The following NFATC2 variants were observed in gnomAD, a reference collection of about 807,000 sequenced individuals.
The protein encoded by NFATC2 is nuclear factor of activated T-cells, cytoplasmic 2.
Under a neutral mutation model 87.3 loss-of-function variants are expected in NFATC2, and 22 were observed. That is an observed-to-expected ratio of 0.25 (90% CI 0.18 to 0.36). The LOEUF is 0.36. Ranked by LOEUF, NFATC2 falls within the 10% of genes least tolerant of loss-of-function variation. The pLI, the probability that NFATC2 is intolerant of heterozygous loss-of-function variation, is 1.00. For synonymous variants in NFATC2, 565 were observed against 542.2 expected (o/e 1.04, Z -0.58); for missense variants, 1,149 against 1,259.1 (o/e 0.91, Z 1.32).
At chr20:51,534,771 A>G (rs2076692884) in intron 1 of NFATC2, among the ~76,000 whole-genome samples, 1 of 152,196 alleles carries the variant, frequency 6.6e-6, no homozygotes, top group South Asian at 2.1e-4. Flanking sequence ...GCCCCCCTGA[A>G]GCCAGACACC....
chr20:51,498,608 G>A (rs896887712), intron 3 of NFATC2, among the ~76,000 whole-genome samples: 4 of 151,968 alleles, frequency 2.6e-5, no homozygotes, highest in South Asian at 2.1e-4. Context: ...CCAACATGGC[G>A]AAACCCCATC....
At chr20:51,485,595 C>T (rs747062) in intron 3 of NFATC2, among the ~76,000 whole-genome samples, 132,847 of 151,872 alleles carry the variant, frequency 0.87, 58,244 homozygotes, top group East Asian at 0.94. Flanking sequence ...TCCTCTTGCG[C>T]AGAACCAGTG....
chr20:51,500,569 T>A (rs2076061292), intron 3 of NFATC2, among the ~76,000 whole-genome samples: 1 of 150,948 alleles, frequency 6.6e-6, no homozygotes, highest in South Asian at 2.1e-4. Flanking sequence ...GTGAGAAGTA[T>A]GTGGGCTGAG....
At chr20:51,561,484 A>AAAGCAAGAAAGCAAGC (rs2077030079) in intron 1 of NFATC2, among the ~76,000 whole-genome samples, 2 of 89,982 alleles carry the variant, frequency 2.2e-5, no homozygotes, top group African/African-American at 4.6e-5. Flanking sequence ...AGAAAGAAAG[A>AAAGCAAGAAAGCAAGC]AAGCAAGCAA....
At chr20:51,392,944 C>T (rs758206664) in intron 10 of NFATC2, among the ~76,000 whole-genome samples, 5 of 152,320 alleles carry the variant, frequency 3.3e-5, no homozygotes, top group South Asian at 2.1e-4. Flanking sequence ...GTTACCTCTC[C>T]GTGCCTCAAT....
Position 51,388,249 on chromosome 20 carries a change from C to T in NFATC2, c.*3247G>A, listed in dbSNP as rs1464228092. Reference sequence around the variant, plus strand: ...TGTCAATTTTTTAAAATCAAAATCACCTACTAAATTAGTTATTTTGGGGGG... The same window carrying T: ...TGTCAATTTTTTAAAATCAAAATCATCTACTAAATTAGTTATTTTGGGGGG... On this transcript the variant is annotated 3_prime_UTR_variant, in exon 11 of 11. Coordinates refer to ENST00000371564, the MANE Select transcript of NFATC2 (RefSeq NM_012340.5). 6.6e-6 allele frequency: 1 copy of T among 152,108 alleles called. No homozygotes were observed. The highest frequency in any genetic ancestry group is 1.5e-5 in the Non-Finnish European group (1 of 68,020). The allele number at this position is 152,108 out of a possible 1,614,324, so 9.4% of individuals were successfully genotyped here.
chr20:51,491,861 AACACACACATACACATAC>A (rs1222653878), intron 3 of NFATC2, among the ~76,000 whole-genome samples: 18 of 64,880 alleles, frequency 2.8e-4, no homozygotes, highest in African/African-American at 9.7e-4. Context: ...CACCCCCACC[AACACACACATACACATAC>A]ACACACACAC....
chr20:51,551,283 G>C (rs1361312696), intron 1 of NFATC2, among the ~76,000 whole-genome samples: 1 of 152,074 alleles, frequency 6.6e-6, no homozygotes, highest in African/African-American at 2.4e-5. Context: ...AAAAATCCTC[G>C]CTGAACAAGC....
chr20:51,460,194 C>A (rs1265628196), intron 5 of NFATC2, among the ~76,000 whole-genome samples: 1 of 152,116 alleles, frequency 6.6e-6, no homozygotes, highest in African/African-American at 2.4e-5. Flanking sequence ...AAATCATAGC[C>A]CTACAGCAAG....
intron 9 of NFATC2, among the ~76,000 whole-genome samples, chr20:51,425,809 C>G (rs1001834879): frequency 1.3e-5 from 2 of 152,332 alleles, no homozygotes; most frequent in African/African-American, 2.4e-5. Context: ...TTGGTGCACC[C>G]AGCTTCTGCG....
chr20:51,457,481 C>T (rs990403424), intron 5 of NFATC2, among the ~76,000 whole-genome samples: 4 of 152,234 alleles, frequency 2.6e-5, no homozygotes, highest in Admixed American at 2.0e-4. Context: ...CCTCTCTTTC[C>T]TGCGGCAGCC....
chr20:51,413,516 G>C lies in NFATC2; in HGVS notation c.2723-14786C>G, dbSNP rs183727676. ...GCTCATACTGTAATCCTAGCACTTT[G>C]GGAGGCTGAGCTGGGAGGACTGCTT... On this transcript the variant is annotated intron_variant, in intron 9 of 10. Transcript: ENST00000371564. Among the ~76,000 whole-genome samples, 18 of 152,288 alleles carry C rather than the reference G, an allele frequency of 1.2e-4. 1 individual carries two copies. In the East Asian group the frequency reaches 3.5e-3, roughly 29 times the overall value.
At chr20:51,422,456 A>T (rs1427424668) in intron 9 of NFATC2, among the ~76,000 whole-genome samples, 1 of 152,126 alleles carries the variant, frequency 6.6e-6, no homozygotes, top group Non-Finnish European at 1.5e-5. Flanking sequence ...GCGTCTATTC[A>T]CAGGCACAAC....
intron 9 of NFATC2, among the ~76,000 whole-genome samples, chr20:51,414,222 T>C (rs1174409777): frequency 6.6e-6 from 1 of 151,970 alleles, no homozygotes; most frequent in Non-Finnish European, 1.5e-5. Context: ...AGTCACAGCA[T>C]TTGTCCTCAC....
At chr20:51,445,202 C>T (rs1600746032) in intron 6 of NFATC2, among the ~76,000 whole-genome samples, 1 of 152,102 alleles carries the variant, frequency 6.6e-6, no homozygotes, top group South Asian at 2.1e-4. Flanking sequence ...GCCTGCCCCC[C>T]GCAGCACCTC....
intron 3 of NFATC2, among the ~76,000 whole-genome samples, chr20:51,483,179 A>G (rs1989410912): frequency 6.7e-6 from 1 of 149,546 alleles, no homozygotes; most frequent in African/African-American, 2.4e-5. Context: ...TGCAATAAGA[A>G]CCCTTGCAAG....
chr20:51,544,136 A>C (rs953902497), upstream of NFATC2, among the ~76,000 whole-genome samples: 10 of 151,652 alleles, frequency 6.6e-5, no homozygotes, highest in Non-Finnish European at 1.2e-4. Context: ...TACAGGCGCC[A>C]GCCACCATGC....
At chr20:51,505,300 G>A (rs1472677194) in intron 3 of NFATC2, among the ~76,000 whole-genome samples, 7 of 151,718 alleles carry the variant, frequency 4.6e-5, no homozygotes, top group East Asian at 1.9e-4. Context: ...GATTACAGGC[G>A]TGAGCCACCA....
At position 51,489,489 on chromosome 20, in the gene NFATC2, A is replaced by G. The variant is rs563842136; in HGVS notation, c.1333-13829T>C. Among the ~76,000 whole-genome samples the G allele has an allele frequency of 1.4e-3, 214 of 152,278 alleles. 1 individual carries two copies. The highest frequency in any genetic ancestry group is 5.0e-3 in the African/African-American group (209 of 41,554). On this transcript the variant is annotated intron_variant, in intron 3 of 10. Coordinates refer to ENST00000371564, the MANE Select transcript of NFATC2 (RefSeq NM_012340.5). The stretch of plus-strand genomic sequence containing the variant: ...TTATTTGGGGTTTTCTGTTAGAGGT[A>G]ATTAAACCTAAGTCTAATTGAAGGA...
Sources: allele counts gnomAD v4.1 joint callset (sites outside exome capture counted in the v4.1 genomes callset), GRCh38; gene constraint gnomAD v4.1.1; transcripts MANE v1.5; gene names NCBI Gene and HGNC (gene_info 2026-07-23, HGNC 2026-07-21).